Variants in ZNF138 observed in about 807,000 individuals in gnomAD.
The protein encoded by ZNF138 is zinc finger protein 138 (clone pHZ-32).
ZNF138 carries 33 observed loss-of-function variants against 33.0 expected under a neutral mutation model. That is an observed-to-expected ratio of 1.00 (90% CI 0.76 to 1.34). The LOEUF is 1.34. ZNF138 is among the 40% of genes most tolerant of loss of function. The pLI is 0.00. For synonymous variants in ZNF138, 139 were observed against 120.4 expected, an observed-to-expected ratio of 1.15 and a Z score of -1.01; for missense variants, 360 against 370.8, an observed-to-expected ratio of 0.97 and a Z score of 0.24.
chr7:64,839,125 G>T, the ZNF138 span, among the ~76,000 whole-genome samples: 1 of 152,202 alleles, frequency 6.6e-6, no homozygotes, highest in African/African-American at 2.4e-5. Flanking sequence ...TATTTGCCTC[G>T]CCTCTGACAA....
At chr7:64,804,641 T>G (rs1787429204) in intron 1 of ZNF138, among the ~76,000 whole-genome samples, 1 of 151,982 alleles carries the variant, frequency 6.6e-6, no homozygotes, top group South Asian at 2.1e-4. Context: ...ATAAGCCAGG[T>G]GTGGTGGCAC....
At chr7:64,825,624 C>T (rs2129011853) in intron 3 of ZNF138, among the ~76,000 whole-genome samples, 1 of 151,138 alleles carries the variant, frequency 6.6e-6, no homozygotes, top group Non-Finnish European at 1.5e-5. Context: ...ACTGCAACCT[C>T]TGCTTCCCGG....
At chr7:64,860,078 A>G in the ZNF138 span, among the ~76,000 whole-genome samples, 1 of 152,252 alleles carries the variant, frequency 6.6e-6, no homozygotes, top group Non-Finnish European at 1.5e-5. Flanking sequence ...CGGAGGTTGC[A>G]GTGAGCCAAA....
intron 3 of ZNF138, among the ~76,000 whole-genome samples, chr7:64,825,406 C>T (rs112620491): frequency 0.28 from 42,039 of 150,950 alleles, 7,187 homozygotes; most frequent in Non-Finnish European, 0.37. Context: ...TTTCTGACCT[C>T]GTGATCTGCC....
downstream of ZNF138, among the ~76,000 whole-genome samples, chr7:64,838,615 G>A (rs1004368454): frequency 7.9e-5 from 12 of 152,096 alleles, no homozygotes; most frequent in East Asian, 1.9e-4. Flanking sequence ...AACTTTGAAC[G>A]CCAGCTTTAC....
At chr7:64,836,078 C>T (rs567348713), downstream of ZNF138, 7 of 152,132 alleles carry the variant, frequency 4.6e-5, no homozygotes, top group Non-Finnish European at 7.3e-5. Context: ...GGTGCCAGGG[C>T]GCTGGTAAGC....
chr7:64,852,509 C>T, the ZNF138 span: 1 of 1,575,364 alleles, frequency 6.3e-7, no homozygotes, highest in Non-Finnish European at 8.7e-7. Flanking sequence ...CTCTACAATC[C>T]CAATAATCCA....
At chr7:64,859,879 C>T in the ZNF138 span, among the ~76,000 whole-genome samples, 1 of 152,216 alleles carries the variant, frequency 6.6e-6, no homozygotes, top group Non-Finnish European at 1.5e-5. Flanking sequence ...TGGCTCACGC[C>T]TGTAATCCCA....
Position 64,831,709 on chromosome 7 carries a change from GAC to G in ZNF138, c.471_472del (p.His157GlnfsTer6). 6.2e-7 allele frequency: 1 copy of G among 1,609,008 alleles called. No homozygotes were observed. The highest frequency in any genetic ancestry group is 2.2e-5 in the East Asian group (1 of 44,810). Reference sequence around the variant, plus strand: ...ATGCATAAATTTTCAAATTCAAATAGACACAAGATAAGACATACTGAAAATAA... The same window carrying G: ...ATGCATAAATTTTCAAATTCAAATAGACAAGATAAGACATACTGAAAATAA... On this transcript the variant is annotated frameshift_variant, in exon 4 of 4. Coordinates refer to ENST00000307355, the MANE Select transcript of ZNF138 (RefSeq NM_001271639.2). LOFTEE classifies it high-confidence loss of function.
At chr7:64,839,435 C>T in the ZNF138 span, among the ~76,000 whole-genome samples, 92,843 of 151,956 alleles carry the variant, frequency 0.61, 28,692 homozygotes, top group East Asian at 0.7. Context: ...AGCCTCGGAT[C>T]GGCTACTTCA....
chr7:64,827,463 C>G (rs1170171576), intron 3 of ZNF138, among the ~76,000 whole-genome samples: 1 of 152,002 alleles, frequency 6.6e-6, no homozygotes, highest in African/African-American at 2.4e-5. Context: ...CCAGGATGGT[C>G]TCGATCTCCT....
chr7:64,827,839 G>C (rs536056662), intron 3 of ZNF138, among the ~76,000 whole-genome samples: 10 of 151,970 alleles, frequency 6.6e-5, no homozygotes, highest in African/African-American at 2.2e-4. Flanking sequence ...AGATATTTTA[G>C]GGTATGCCAC....
In ZNF138 at chr7:64,818,302, A is replaced by G. The variant is rs138247716; in HGVS notation, c.208+2649A>G. Among the ~76,000 whole-genome samples the G allele has an allele frequency of 9.9e-4, 151 of 152,224 alleles. 1 individual carries two copies. Among genetic ancestry groups the G allele is most frequent in the African/African-American group, 3.5e-3 (145 of 41,534 alleles). ...CGCCCAGCCTGAATATTTCTTTTAT[A>G]TAAGCAGAGGCTCTAACTATATTTT... On this transcript the variant is annotated intron_variant, in intron 3 of 3. Coordinates refer to ENST00000307355, the MANE Select transcript of ZNF138 (RefSeq NM_001271639.2).
the ZNF138 span, chr7:64,852,253 T>C: frequency 1.7e-6 from 1 of 604,914 alleles, no homozygotes; most frequent in Non-Finnish European, 2.9e-6. Flanking sequence ...TTTTATTAAT[T>C]GTATCCACTT....
the ZNF138 span, among the ~76,000 whole-genome samples, chr7:64,839,017 A>G: frequency 6.6e-6 from 1 of 152,134 alleles, no homozygotes; most frequent in African/African-American, 2.4e-5. Flanking sequence ...TTCAAGGGGA[A>G]GGCTAGCCAG....
chr7:64,794,772 T>C (rs1412925012), intron 1 of ZNF138, among the ~76,000 whole-genome samples: 1 of 152,070 alleles, frequency 6.6e-6, no homozygotes, highest in Non-Finnish European at 1.5e-5. Context: ...GCGTCCTGTC[T>C]CCTCCCTGCG....
intron 1 of ZNF138, chr7:64,814,165 T>G (rs1005960543): frequency 8.9e-7 from 1 of 1,126,944 alleles, no homozygotes; most frequent in African/African-American, 1.7e-5. Context: ...TGTTAGAAAT[T>G]TAGAATATCA....
At chr7:64,796,655 G>A (rs1267853600) in intron 1 of ZNF138, among the ~76,000 whole-genome samples, 1 of 152,052 alleles carries the variant, frequency 6.6e-6, no homozygotes, top group Non-Finnish European at 1.5e-5. Context: ...TTTATGGCTG[G>A]GTGATGTCCA....
the ZNF138 span, among the ~76,000 whole-genome samples, chr7:64,850,791 A>G: frequency 6.6e-6 from 1 of 152,182 alleles, no homozygotes; most frequent in African/African-American, 2.4e-5. Flanking sequence ...AGCACATAGC[A>G]AGTGTACAGG....
Sources: gnomAD v4.1 joint callset for allele counts (sites outside exome capture counted in the v4.1 genomes callset) on GRCh38, gnomAD v4.1.1 for gene constraint, MANE v1.5 for transcripts, NCBI Gene and HGNC (gene_info 2026-07-23, HGNC 2026-07-21) for gene names.